The following ELAC2 variants were observed in gnomAD, a reference collection of about 807,000 sequenced individuals.
ELAC2 encodes the protein elaC ribonuclease Z 2, also known as zinc phosphodiesterase ELAC protein 2.
In ELAC2, 92 loss-of-function variants were observed where a neutral mutation model predicts 105.2. That is an observed-to-expected ratio of 0.87 (90% CI 0.74 to 1.04). The LOEUF (loss-of-function observed/expected upper bound fraction) is 1.04. Among genes scored for constraint, ELAC2 ranks in the 50% least tolerant of loss-of-function variants. ELAC2 has a pLI of 0.00. For missense variants in ELAC2, 1,099 were observed against 1,071.7 expected, an observed-to-expected ratio of 1.03 and a Z score of -0.36; for synonymous variants, 468 against 409.1, an observed-to-expected ratio of 1.14 and a Z score of -1.74.
chr17:13,002,925 G>C (rs1399787007), intron 12 of ELAC2, among the ~76,000 whole-genome samples: 4 of 152,170 alleles, frequency 2.6e-5, no homozygotes, highest in African/African-American at 9.7e-5. Context: ...GCCATGTGGG[G>C]AGATACGGGC....
At chr17:13,009,042 T>C (rs1401068951) in intron 8 of ELAC2, among the ~76,000 whole-genome samples, 1 of 152,128 alleles carries the variant, frequency 6.6e-6, no homozygotes. Flanking sequence ...AGAAAACAGT[T>C]TAAAAATCAG....
At chr17:13,011,414 A>C (rs1019750991) in intron 7 of ELAC2, among the ~76,000 whole-genome samples, 2 of 152,204 alleles carry the variant, frequency 1.3e-5, no homozygotes, top group African/African-American at 4.8e-5. Flanking sequence ...GGAAAACAGA[A>C]CACAGTTTTG....
At chr17:13,000,133 C>T (rs1004578729) in intron 15 of ELAC2, 23 bp downstream of exon 15, 1 of 1,602,886 alleles carries the variant, frequency 6.2e-7, no homozygotes, top group Admixed American at 1.7e-5. Context: ...GAAAGAAAGG[C>T]TGCTCTGTGG....
At chr17:13,001,513 A>T (rs915656087) in intron 14 of ELAC2, among the ~76,000 whole-genome samples, 32 of 151,670 alleles carry the variant, frequency 2.1e-4, no homozygotes, top group Admixed American at 5.3e-4. Context: ...ATAAATAAAT[A>T]AAATAAATAA....
At chr17:12,998,600 T>G (rs567653724) in intron 15 of ELAC2, 92 bp from the exon 16 acceptor site, 3 of 1,234,704 alleles carry the variant, frequency 2.4e-6, no homozygotes, top group African/African-American at 3.0e-5. Flanking sequence ...TTGAGTGTCA[T>G]TGGTTTGTCC....
At position 13,017,683 on chromosome 17, in the gene ELAC2, G is replaced by A. The variant is rs780356957; in HGVS notation, c.245+20C>T. The A allele has an allele frequency of 3.1e-6, 5 of 1,613,254 alleles. No individual in the cohort carries two copies. Among genetic ancestry groups the A allele is most frequent in the South Asian group, 2.2e-5 (2 of 91,020 alleles). On this transcript the variant is annotated intron_variant, in intron 1 of 23. Coordinates refer to ENST00000338034, the MANE Select transcript of ELAC2 (RefSeq NM_018127.7). ...CCGCACTGAGGGCCCAGCGGGACGG[G>A]GCGTGGCTCGTTGACTGACCGGTTG...
intron 15 of ELAC2, 144 bp downstream of exon 15, chr17:13,000,012 A>C: frequency 1.4e-6 from 1 of 738,814 alleles, no homozygotes; most frequent in Non-Finnish European, 2.3e-6. Context: ...CTATAATTCT[A>C]ATGTAGAGCT....
rs1292700439 is a variant in ELAC2 at position 12,995,818 on chromosome 17, A to T, written c.1699-6T>A. On this transcript the variant is annotated splice_polypyrimidine_tract_variant and splice_region_variant and intron_variant, in intron 18 of 23. Transcript: ENST00000338034. ...AGCGGCTTTCCCAAAGATGCCTGGAACAAAAAATGCAAGTGCCGACTCGAC... is the reference window on the plus strand; with the variant it reads ...AGCGGCTTTCCCAAAGATGCCTGGATCAAAAAATGCAAGTGCCGACTCGAC... 1 of 1,608,076 alleles carries T rather than the reference A, an allele frequency of 6.2e-7. No homozygotes were observed. The highest frequency in any genetic ancestry group is 1.3e-5 in the African/African-American group (1 of 74,892).
intron 8 of ELAC2, among the ~76,000 whole-genome samples, chr17:13,006,748 T>A (rs2143632847): frequency 6.6e-6 from 1 of 152,336 alleles, no homozygotes; most frequent in Admixed American, 6.5e-5. Flanking sequence ...AAAGCATGGA[T>A]GATTTTTATT....
chr17:13,010,853 G>C (rs2143656697), intron 7 of ELAC2, among the ~76,000 whole-genome samples, 182 bp from the exon 8 acceptor site: 1 of 152,270 alleles, frequency 6.6e-6, no homozygotes, highest in African/African-American at 2.4e-5. Flanking sequence ...CTTATGTGGA[G>C]ATGTGTTTGC....
chr17:12,992,718 G>A lies in ELAC2; in HGVS notation c.*100C>T. The A allele has an allele frequency of 7.0e-7, 1 of 1,430,660 alleles. No individual in the cohort carries two copies. The highest frequency in any genetic ancestry group is 1.8e-5 in the Admixed American group (1 of 56,136). The allele number at this position is 1,430,660 out of a possible 1,614,324, so 88.6% of individuals were successfully genotyped here. On this transcript the variant is annotated 3_prime_UTR_variant, in exon 24 of 24. Coordinates refer to ENST00000338034, the MANE Select transcript of ELAC2 (RefSeq NM_018127.7). ...CACCTATCCTGAGCTGCCTCCTGGG[G>A]GACCGTGCTCTTCAGCTTCTACCAG...
chr17:12,997,173 G>A (rs562502914), intron 16 of ELAC2, among the ~76,000 whole-genome samples: 9 of 152,288 alleles, frequency 5.9e-5, no homozygotes, highest in African/African-American at 1.9e-4. Flanking sequence ...GCGGGCTGCA[G>A]GTGCTTCATT....
In ELAC2 at chr17:12,998,488, C is replaced by A. The variant is rs763770476; in HGVS notation, c.1444G>T (p.Glu482Ter). The A allele has an allele frequency of 1.7e-5, 28 of 1,614,056 alleles. No homozygotes were observed. The highest frequency in any genetic ancestry group is 1.9e-5 in the Non-Finnish European group (23 of 1,180,042). ...APAEKRSQYP[E>*]IIFLGTGSAI... Reference sequence around the variant, plus strand: ...GACCCTGTTCCAAGGAAGATGATTTCTGGGTACTGACTTCTTTTCTCTGTG... The same window carrying A: ...GACCCTGTTCCAAGGAAGATGATTTATGGGTACTGACTTCTTTTCTCTGTG... Residue 482 changes from glutamate to a stop codon, truncating the protein, a stop_gained, in exon 16 of 24, where the codon GAA becomes TAA. Coordinates refer to ENST00000338034, the MANE Select transcript of ELAC2 (RefSeq NM_018127.7). LOFTEE classifies it high-confidence loss of function.
Position 12,994,997 on chromosome 17 carries a change from A to G in ELAC2, c.1874T>C (p.Ile625Thr). ...EISSPAVERL[I>T]SSLLRTCDLE... ...ATCACATGTTCGCAACAGCGAACTGATCAATCTTTCCACTGCAGGACTGGA... is the reference window on the plus strand; with the variant it reads ...ATCACATGTTCGCAACAGCGAACTGGTCAATCTTTCCACTGCAGGACTGGA... Residue 625 changes from isoleucine to threonine, a missense_variant, in exon 20 of 24, where the codon ATC becomes ACC. Coordinates refer to ENST00000338034, the MANE Select transcript of ELAC2 (RefSeq NM_018127.7). 1 of 1,614,194 alleles carries G rather than the reference A, an allele frequency of 6.2e-7. No individual in the cohort carries two copies. Among genetic ancestry groups the G allele is most frequent in the Non-Finnish European group, 8.5e-7 (1 of 1,180,040 alleles).
chr17:12,996,454 T>A, intron 17 of ELAC2, 93 bp downstream of exon 17: 2 of 1,594,332 alleles, frequency 1.3e-6, no homozygotes, highest in Non-Finnish European at 1.7e-6. Flanking sequence ...CTGGGCAAGT[T>A]TGGAAGCGGA....
At position 12,995,023 on chromosome 17, in the gene ELAC2, G is replaced by T; in HGVS notation, c.1848C>A (p.Ile616=). ...PAKCLQEGAE[I]SSPAVERLIS... ...TCAATCTTTCCACTGCAGGACTGGA[G>T]ATCTCAGCCCCTTCCTGAAGGCATT... The change falls in exon 20 of 24, where the codon ATC becomes ATA. Residue 616 remains isoleucine, a synonymous_variant. Coordinates refer to ENST00000338034, the MANE Select transcript of ELAC2 (RefSeq NM_018127.7). 1 of 1,614,184 alleles carries T rather than the reference G, an allele frequency of 6.2e-7. No individual in the cohort carries two copies. Among genetic ancestry groups the T allele is most frequent in the East Asian group, 2.2e-5 (1 of 44,886 alleles).
rs200565641 is a variant in ELAC2, at chr17:13,002,448, C to T, written c.1211G>A (p.Arg404His). 5.8e-5 allele frequency: 94 copies of T among 1,612,726 alleles called. No individual in the cohort carries two copies. The highest frequency in any genetic ancestry group is 7.1e-5 in the Non-Finnish European group (84 of 1,179,338). Residue 404 changes from arginine (R) to histidine (H), a missense_variant, in exon 13 of 24, where the codon CGC becomes CAC. By Grantham distance (29) the Arg-to-His change is conservative. Transcript: ENST00000338034. ...GCCGGTCTGAGACACTACCTTACAG[C>T]GGAAACTGGTGAGCAGGGGGAAGAT... ...PDIFPLLTSF[R>H]CKKEGPTLSV... is the part of the protein sequence containing the mutation.
Position 12,994,954 on chromosome 17 carries a change from G to A in ELAC2, c.1908+9C>T, listed in dbSNP as rs542510696. 2 of 1,614,092 alleles carry A rather than the reference G, an allele frequency of 1.2e-6. No individual in the cohort carries two copies. Among genetic ancestry groups the A allele is most frequent in the East Asian group, 2.2e-5 (1 of 44,880 alleles). ...TCGCCCCCATGATGCCTGCGGCTGT[G>A]CCCCTTACCTCTTCCAAATCACATG... On this transcript the variant is annotated intron_variant, in intron 20 of 23. Transcript: ENST00000338034.
At position 13,000,207 on chromosome 17, in the gene ELAC2, G is replaced by C; in HGVS notation, c.1372C>G (p.Gln458Glu). 2 of 1,614,080 alleles carry C rather than the reference G, an allele frequency of 1.2e-6. No homozygotes were observed. The highest frequency in any genetic ancestry group is 1.7e-6 in the Non-Finnish European group (2 of 1,180,034). ...VEALQLPNFQ[Q>E]SVQEYRRSAQ... ...CTCCTCCTGTACTCCTGCACGCTCT[G>C]CTGGAAGTTGGGAAGCTGCAGCGCC... is the stretch of plus-strand genomic sequence containing the variant. The change falls in exon 15 of 24, where the codon CAG (glutamine) becomes GAG (glutamate). Residue 458 changes from glutamine to glutamate, a missense_variant. Physicochemically the swap from Gln to Glu is conservative, Grantham distance 29. Transcript: ENST00000338034.
Sources: gnomAD v4.1 joint callset for allele counts (sites outside exome capture counted in the v4.1 genomes callset) on GRCh38, gnomAD v4.1.1 for gene constraint, MANE v1.5 for transcripts, NCBI Gene and HGNC (gene_info 2026-07-23, HGNC 2026-07-21) for gene names.